Variants in DDX17 observed in about 807,000 individuals in gnomAD.
DDX17 encodes the protein DEAD-box helicase 17, also known as probable ATP-dependent RNA helicase DDX17.
In DDX17, 10 loss-of-function variants were observed where a neutral mutation model predicts 80.8. The observed-to-expected ratio is 0.12, with a 90% CI of 0.08 to 0.21. The LOEUF (loss-of-function observed/expected upper bound fraction) is 0.21. Ranked by LOEUF, DDX17 falls within the 10% of genes least tolerant of loss-of-function variation. The pLI, the probability that DDX17 is intolerant of heterozygous loss-of-function variation, is 1.00. For missense variants in DDX17, 586 were observed against 957.4 expected, an observed-to-expected ratio of 0.61 and a Z score of 5.12; for synonymous variants, 339 against 336.2, an observed-to-expected ratio of 1.01 and a Z score of -0.09.
In DDX17 at chr22:38,483,602, T is replaced by TA. The variant is rs1326144870; in HGVS notation, c.*2332_*2333insT. The TA allele has an allele frequency of 2.0e-5, 3 of 152,348 alleles. No homozygotes were observed. Among genetic ancestry groups the TA allele is most frequent in the Middle Eastern group, 3.4e-3 (1 of 292 alleles). 9.4% of individuals were successfully genotyped at this position (152,348 alleles called of 1,614,324 possible). A position where few individuals can be genotyped will look rare whatever the true frequency, so the allele number is the denominator to read the frequency against. The stretch of plus-strand genomic sequence containing the variant: ...AGTCTTAATGCAACAGGAATGTGTC[T>TA]GGAGACCAGCAAGAACATCAATAGA... On this transcript the variant is annotated 3_prime_UTR_variant, in exon 13 of 13. Transcript: ENST00000403230.
Position 38,498,159 on chromosome 22 carries a change from G to C in DDX17, c.673-9C>G, listed in dbSNP as rs769931898. 6.2e-7 allele frequency: 1 copy of C among 1,613,692 alleles called. No individual in the cohort carries two copies. Among genetic ancestry groups the C allele is most frequent in the Non-Finnish European group, 8.5e-7 (1 of 1,179,778 alleles). ...ATTGCAGGCAGGAGATACTGTGGAG[G>C]GGGGAAAGAATGACAACCTTACGCT... On this transcript the variant is annotated splice_polypyrimidine_tract_variant and intron_variant, in intron 4 of 12. Coordinates refer to ENST00000403230, the MANE Select transcript of DDX17 (RefSeq NM_006386.5).
At chr22:38,503,220 C>G (rs534351819) in intron 1 of DDX17, among the ~76,000 whole-genome samples, 1 of 152,278 alleles carries the variant, frequency 6.6e-6, no homozygotes, top group South Asian at 2.1e-4. Flanking sequence ...AATTGCCGCT[C>G]CCGCCACACT....
chr22:38,504,385 T>G (rs2089859456), intron 1 of DDX17, among the ~76,000 whole-genome samples: 1 of 152,204 alleles, frequency 6.6e-6, no homozygotes, highest in South Asian at 2.1e-4. Context: ...TATAAACTTT[T>G]CTGTACAAGG....
Position 38,492,901 on chromosome 22 carries a change from A to T in DDX17, c.1388-786T>A, listed in dbSNP as rs569903283. ...ATGCTAAAATATGACTCATTAAGAA[A>T]CATTTTTCTTTAAATATTTCAGTAA... On this transcript the variant is annotated intron_variant, in intron 10 of 12. Transcript: ENST00000403230. Among the ~76,000 whole-genome samples the T allele has an allele frequency of 2.0e-5, 3 of 152,358 alleles. No homozygotes were observed. The South Asian group carries it at 6.2e-4, about 32-fold the overall frequency.
At chr22:38,494,375 G>A in intron 8 of DDX17, 1 of 591,288 alleles carries the variant, frequency 1.7e-6, no homozygotes, top group Non-Finnish European at 2.9e-6. Flanking sequence ...AGAAACTGCA[G>A]CACCAAGACA....
rs2089643832 is a variant in DDX17, at chr22:38,485,315, A to T, written c.*620T>A. 1 of 152,246 alleles carries T rather than the reference A, an allele frequency of 6.6e-6. No homozygotes were observed. Among genetic ancestry groups the T allele is most frequent in the Middle Eastern group, 3.2e-3 (1 of 316 alleles). The allele number at this position is 152,246 out of a possible 1,614,324, so 9.4% of individuals were successfully genotyped here. A position where few individuals can be genotyped will look rare whatever the true frequency, so the allele number is the denominator to read the frequency against. Reference sequence around the variant, plus strand: ...AACGGGGGGAGAAGTGGGGAGGCAGAGTGTGAAGGGAAATAAAACCAATTA... The same window carrying T: ...AACGGGGGGAGAAGTGGGGAGGCAGTGTGTGAAGGGAAATAAAACCAATTA... On this transcript the variant is annotated 3_prime_UTR_variant, in exon 13 of 13. Coordinates refer to ENST00000403230, the MANE Select transcript of DDX17 (RefSeq NM_006386.5).
chr22:38,497,297 C>CAAAAAAAAAAA lies in DDX17; in HGVS notation c.738+777_738+787dup, dbSNP rs138448. Among the ~76,000 whole-genome samples the CAAAAAAAAAAA allele has an allele frequency of 8.3e-5, 3 of 36,182 alleles. 1 individual carries two copies. The highest frequency in any genetic ancestry group is 2.5e-4 in the African/African-American group (2 of 7,970). The allele number at this position is 36,182 out of a possible 152,430, so 23.7% of individuals were successfully genotyped here. A position where few individuals can be genotyped will look rare whatever the true frequency, so the allele number is the denominator to read the frequency against. ...GGCAACCAAGAGCGAAACTCCATCT[C>CAAAAAAAAAAA]AAAAAAAAAAAAAAAAAAAAAAAAA... On this transcript the variant is annotated intron_variant, in intron 5 of 12. Transcript: ENST00000403230.
intron 4 of DDX17, 142 bp from the exon 5 acceptor site, chr22:38,498,292 T>A: frequency 7.2e-7 from 1 of 1,391,116 alleles, no homozygotes; most frequent in Non-Finnish European, 9.8e-7. Context: ...AATACAAATT[T>A]GAACATAAAA....
At chr22:38,500,938 CT>C (rs1205163311) in intron 2 of DDX17, among the ~76,000 whole-genome samples, 191 bp downstream of exon 2, 1 of 143,894 alleles carries the variant, frequency 6.9e-6, no homozygotes, top group Non-Finnish European at 1.5e-5. Flanking sequence ...CAAGACCAGC[CT>C]GGGGAATATG....
chr22:38,495,546 G>A (rs2089754677), intron 6 of DDX17, among the ~76,000 whole-genome samples: 1 of 152,132 alleles, frequency 6.6e-6, no homozygotes, highest in Admixed American at 6.5e-5. Context: ...CACTGGCCCA[G>A]AGAAGCTAAA....
At position 38,489,652 on chromosome 22, in the gene DDX17, G is replaced by A; in HGVS notation, c.1448-1537C>T. The A allele has an allele frequency of 1.0e-6, 1 of 985,292 alleles. No homozygotes were observed. The highest frequency in any genetic ancestry group is 4.7e-5 in the South Asian group (1 of 21,276). The allele number at this position is 985,292 out of a possible 1,614,324, so 61.0% of individuals were successfully genotyped here. On this transcript the variant is annotated intron_variant, in intron 11 of 12. Transcript: ENST00000403230. This position sits in a 1 kb window ranked among gnomAD's most constrained non-coding sequence, Gnocchi z 4.6. Reference sequence around the variant, plus strand: ...AAAAAAAATTAGCTGTTGTTACAGGGCTTGTGAAGAAGGGGCATTATGTCT... The same window carrying A: ...AAAAAAAATTAGCTGTTGTTACAGGACTTGTGAAGAAGGGGCATTATGTCT...
intron 1 of DDX17, among the ~76,000 whole-genome samples, chr22:38,504,013 T>C (rs2089856047): frequency 6.6e-6 from 1 of 152,226 alleles, no homozygotes; most frequent in Non-Finnish European, 1.5e-5. Flanking sequence ...TCCTTTCAAA[T>C]AACTTATTAA....
At position 38,483,823 on chromosome 22, in the gene DDX17, C is replaced by G. The variant is rs952074792; in HGVS notation, c.*2112G>C. ...CATGTTCTGAAGCCAACAGCAGAAC[C>G]TGAATTATAAGTGACAGACATGGAG... On this transcript the variant is annotated 3_prime_UTR_variant, in exon 13 of 13. Coordinates refer to ENST00000403230, the MANE Select transcript of DDX17 (RefSeq NM_006386.5). The G allele has an allele frequency of 2.6e-5, 4 of 152,166 alleles. No homozygotes were observed. The highest frequency in any genetic ancestry group is 6.5e-5 in the Admixed American group (1 of 15,270). The allele number at this position is 152,166 out of a possible 1,614,324, so 9.4% of individuals were successfully genotyped here.
chr22:38,491,583 A>G (rs2089714052), intron 11 of DDX17: 1 of 153,034 alleles, frequency 6.5e-6, no homozygotes, highest in South Asian at 2.1e-4. Context: ...CATTAGACTT[A>G]TAAAATTCCA....
chr22:38,505,842 G>A, intron 1 of DDX17, 109 bp downstream of exon 1: 1 of 1,361,434 alleles, frequency 7.3e-7, no homozygotes, highest in Non-Finnish European at 9.9e-7. Flanking sequence ...GCCTCCCCTC[G>A]CCTCCCGGGT....
At chr22:38,495,452 AGCCAGGATGGTCCCAAT>A (rs2089753115) in intron 6 of DDX17, among the ~76,000 whole-genome samples, 1 of 152,038 alleles carries the variant, frequency 6.6e-6, no homozygotes, top group Admixed American at 6.6e-5. Flanking sequence ...TCACCATGTT[AGCCAGGATGGTCCCAAT>A]CTCTGGACCT....
intron 12 of DDX17, 151 bp from the exon 13 acceptor site, chr22:38,486,591 C>A: frequency 8.1e-7 from 1 of 1,229,406 alleles, no homozygotes; most frequent in Non-Finnish European, 1.1e-6. Flanking sequence ...TAAAAATATA[C>A]TCATAATTTG....
chr22:38,492,832 GCTTCC>G (rs1383885526), intron 10 of DDX17, among the ~76,000 whole-genome samples: 4 of 152,052 alleles, frequency 2.6e-5, no homozygotes, highest in Non-Finnish European at 4.4e-5. Flanking sequence ...TTTCTCAATG[GCTTCC>G]CTTAAGAGTA....
intron 1 of DDX17, among the ~76,000 whole-genome samples, chr22:38,501,778 G>A (rs973509987): frequency 1.3e-5 from 2 of 152,212 alleles, no homozygotes; most frequent in Non-Finnish European, 2.9e-5. Context: ...TCAACAAATA[G>A]TTATTAGGTA....
Sources: gnomAD v4.1 joint callset for allele counts (sites outside exome capture counted in the v4.1 genomes callset) on GRCh38, gnomAD v4.1.1 for gene constraint, Gnocchi (gnomAD v3.1) non-coding constraint, MANE v1.5 for transcripts, NCBI Gene and HGNC (gene_info 2026-07-23, HGNC 2026-07-21) for gene names.